Variants in FAXC observed in about 807,000 individuals in gnomAD.
The protein encoded by FAXC is failed axon connections homolog, metaxin like GST domain containing.
FAXC carries 10 observed loss-of-function variants against 41.9 expected under a neutral mutation model. The ratio of observed to expected loss-of-function variants is 0.24; its 90% confidence interval spans 0.15 to 0.41. The LOEUF (loss-of-function observed/expected upper bound fraction) is 0.41. Among genes scored for constraint, FAXC ranks in the 10% least tolerant of loss-of-function variants. FAXC has a pLI of 1.00. For missense variants in FAXC, 399 were observed against 510.9 expected, an observed-to-expected ratio of 0.78 and a Z score of 2.11; for synonymous variants, 183 against 183.8, an observed-to-expected ratio of 1.00 and a Z score of 0.03.
rs781188618 is a variant in FAXC, at chr6:99,281,200, G to A, written c.1194C>T (p.Asp398=). 6.4e-7 allele frequency: 1 copy of A among 1,556,682 alleles called. No individual in the cohort carries two copies. The highest frequency in any genetic ancestry group is 1.1e-5 in the South Asian group (1 of 89,896). The change falls in exon 6 of 6, where the codon GAC becomes GAT. Residue 398 remains aspartate (D), a synonymous_variant. Transcript: ENST00000389677. Reference sequence around the variant, plus strand: ...GTTCGTGGTCTGTATAGTCATCCATGTCCACATCCGAATCAAAGAGTGAGT... The same window carrying A: ...GTTCGTGGTCTGTATAGTCATCCATATCCACATCCGAATCAAAGAGTGAGT... ...TGHSLFDSDV[D]MDDYTDHEQC... is the part of the protein sequence containing the mutation.
intron 4 of FAXC, among the ~76,000 whole-genome samples, chr6:99,313,633 A>G (rs2128457184): frequency 6.6e-6 from 1 of 152,280 alleles, no homozygotes; most frequent in East Asian, 1.9e-4. Flanking sequence ...TAAGCTCAAC[A>G]TTCTATAAGT....
At chr6:99,289,689 ATGTGTGTGTG>A (rs58098982) in intron 5 of FAXC, among the ~76,000 whole-genome samples, 50 of 146,694 alleles carry the variant, frequency 3.4e-4, no homozygotes, top group Non-Finnish European at 4.4e-4. Context: ...ACATATGTAT[ATGTGTGTGTG>A]TGTGTGTGTG....
At position 99,277,637 on chromosome 6, in the gene FAXC, G is replaced by A. The variant is rs1770679469; in HGVS notation, c.*3527C>T. Reference sequence around the variant, plus strand: ...CTGACAGGACATGGACAAAAGCGAAGTAGGATTCCAACCAGGGAATGGCTG... The same window carrying A: ...CTGACAGGACATGGACAAAAGCGAAATAGGATTCCAACCAGGGAATGGCTG... On this transcript the variant is annotated 3_prime_UTR_variant, in exon 6 of 6. Transcript: ENST00000389677. The A allele has an allele frequency of 6.6e-6, 1 of 152,280 alleles. No homozygotes were observed. The highest frequency in any genetic ancestry group is 2.4e-5 in the African/African-American group (1 of 41,464). 9.4% of individuals were successfully genotyped at this position (152,280 alleles called of 1,614,324 possible).
rs140606101 is a variant in FAXC at position 99,345,302 on chromosome 6, T to C, written c.267-2269A>G. On this transcript the variant is annotated intron_variant, in intron 1 of 5. Coordinates refer to ENST00000389677, the MANE Select transcript of FAXC (RefSeq NM_032511.4). ...ACCTTGACAAACTCTGTTCTAAGCA[T>C]GTCACGTGTTATCTCATTTAATCAA... 3.3e-3 allele frequency among the ~76,000 whole-genome samples: 510 copies of C among 152,330 alleles called. 6 individuals are homozygous for C. Among genetic ancestry groups the C allele is most frequent in the African/African-American group, 0.011 (474 of 41,576 alleles).
chr6:99,338,556 G>A (rs1236186428), intron 2 of FAXC, among the ~76,000 whole-genome samples: 1 of 152,162 alleles, frequency 6.6e-6, no homozygotes. Context: ...AGTAATCAGA[G>A]ACAGCACTGC....
chr6:99,343,005 C>T lies in FAXC; in HGVS notation c.295G>A (p.Ala99Thr). 6.2e-7 allele frequency: 1 copy of T among 1,610,942 alleles called. No individual in the cohort carries two copies. Among genetic ancestry groups the T allele is most frequent in the Non-Finnish European group, 8.5e-7 (1 of 1,179,224 alleles). ...CTTGCAAACTGATGCAAAATAATAG[C>T]ATCTTTAGAGTCAATCTCTTGCTGT... The part of the protein sequence containing the change: ...RKQQEIDSKD[A>T]IILHQFARPN... The change falls in exon 2 of 6, where the codon GCT (alanine) becomes ACT (threonine). Residue 99 changes from alanine (A) to threonine (T), a missense_variant. By Grantham distance (58) the Ala-to-Thr change is moderately conservative (BLOSUM62 0). Coordinates refer to ENST00000389677, the MANE Select transcript of FAXC (RefSeq NM_032511.4).
rs767418094 is a variant in FAXC at position 99,323,581 on chromosome 6, A to T, written c.686T>A (p.Leu229Gln). The change falls in exon 4 of 6, where the codon CTG becomes CAG. Residue 229 changes from leucine (L) to glutamine (Q), a missense_variant. Leu to Gln is a moderately radical substitution (Grantham distance 113, BLOSUM62 -2). Transcript: ENST00000389677. ...SLSGGGPFSN[L>Q]LRWVVCHITK... ...TATGTGGCACACAACCCACCTCAGC[A>T]GGTTGCTGAAGGGACCACCACCACT... 6.2e-7 allele frequency: 1 copy of T among 1,614,166 alleles called. No individual in the cohort carries two copies. Among genetic ancestry groups the T allele is most frequent in the Non-Finnish European group, 8.5e-7 (1 of 1,180,020 alleles).
At chr6:99,325,328 A>G (rs1772759610) in intron 3 of FAXC, among the ~76,000 whole-genome samples, 1 of 152,216 alleles carries the variant, frequency 6.6e-6, no homozygotes, top group Admixed American at 6.5e-5. Context: ...TTTTCACCAA[A>G]AAGTCTTACA....
intron 2 of FAXC, among the ~76,000 whole-genome samples, chr6:99,338,474 T>C (rs1773299560): frequency 6.6e-6 from 1 of 152,186 alleles, no homozygotes; most frequent in South Asian, 2.1e-4. Flanking sequence ...CAGAAAAGCC[T>C]GGCAGCTGCT....
At chr6:99,320,396 TTTTG>T (rs201169942) in intron 4 of FAXC, among the ~76,000 whole-genome samples, 1,682 of 152,334 alleles carry the variant, frequency 0.011, 21 homozygotes, top group African/African-American at 0.038. Context: ...AATTAGCTCA[TTTTG>T]TTTAACTGTT....
chr6:99,323,783 C>T (rs1371358345), intron 3 of FAXC, 116 bp from the exon 4 acceptor site: 2 of 748,786 alleles, frequency 2.7e-6, no homozygotes, highest in Admixed American at 4.9e-5. Flanking sequence ...TGAATAACTG[C>T]AGCTTTAATA....
intron 5 of FAXC, among the ~76,000 whole-genome samples, chr6:99,287,320 A>G (rs1171504544): frequency 6.6e-6 from 1 of 152,212 alleles, no homozygotes; most frequent in Non-Finnish European, 1.5e-5. Context: ...TTACATACAT[A>G]CCACAATATC....
At chr6:99,328,429 G>A (rs1233379813) in intron 3 of FAXC, among the ~76,000 whole-genome samples, 1 of 152,152 alleles carries the variant, frequency 6.6e-6, no homozygotes, top group Non-Finnish European at 1.5e-5. Context: ...GCTGGCCCTC[G>A]CCAGACACCA....
At chr6:99,344,684 A>G (rs1221887002) in intron 1 of FAXC, among the ~76,000 whole-genome samples, 2 of 152,264 alleles carry the variant, frequency 1.3e-5, no homozygotes, top group Non-Finnish European at 2.9e-5. Flanking sequence ...ATTAAAATCA[A>G]GAACTCATTT....
chr6:99,324,159 T>A (rs1202010063), intron 3 of FAXC, among the ~76,000 whole-genome samples: 3 of 151,720 alleles, frequency 2.0e-5, no homozygotes, highest in Non-Finnish European at 2.9e-5. Context: ...TTTTGTATAC[T>A]CTGTATATGC....
chr6:99,304,465 C>A (rs1771835983), intron 4 of FAXC, among the ~76,000 whole-genome samples: 2 of 152,130 alleles, frequency 1.3e-5, no homozygotes, highest in South Asian at 4.2e-4. Context: ...ACAAACCCCA[C>A]GTTTCCCTTT....
intron 4 of FAXC, among the ~76,000 whole-genome samples, chr6:99,306,800 G>C (rs929955634): frequency 2.0e-5 from 3 of 152,312 alleles, no homozygotes; most frequent in South Asian, 2.1e-4. Context: ...CTCATGGATA[G>C]GATCGTTGTG....
At chr6:99,312,811 A>G (rs962734745) in intron 4 of FAXC, among the ~76,000 whole-genome samples, 10 of 152,222 alleles carry the variant, frequency 6.6e-5, no homozygotes, top group African/African-American at 2.4e-4. Flanking sequence ...TAGAAATATG[A>G]TATTTTATCT....
chr6:99,285,494 T>A (rs973893695), intron 5 of FAXC, among the ~76,000 whole-genome samples: 2 of 152,210 alleles, frequency 1.3e-5, no homozygotes, highest in African/African-American at 4.8e-5. Context: ...CTAGATATGC[T>A]ATGCAAATCT....
Sources: allele counts gnomAD v4.1 joint callset (sites outside exome capture counted in the v4.1 genomes callset), GRCh38; gene constraint gnomAD v4.1.1; transcripts MANE v1.5; gene names NCBI Gene and HGNC (gene_info 2026-07-23, HGNC 2026-07-21).